The following ACTR3C variants were observed in gnomAD, a reference collection of about 807,000 sequenced individuals.
ACTR3C encodes actin related protein 3C, also known as actin-related protein 3C.
A neutral mutation model predicts 26.3 loss-of-function variants in ACTR3C; 18 were observed. That is an observed-to-expected ratio of 0.68 (90% CI 0.47 to 1.01). ACTR3C has a LOEUF of 1.01. ACTR3C is among the 50% of genes least tolerant of loss of function. ACTR3C has a pLI of 0.00. For synonymous variants in ACTR3C, 55 were observed against 94.5 expected (o/e 0.58, Z 2.42); for missense variants, 184 against 250.7 (o/e 0.73, Z 1.80).
intron 1 of ACTR3C, among the ~76,000 whole-genome samples, chr7:150,299,155 G>A (rs1202233452): frequency 6.6e-6 from 1 of 151,484 alleles, no homozygotes. Flanking sequence ...GTTAAGTTTT[G>A]TATTTTTAGT....
the ACTR3C span, among the ~76,000 whole-genome samples, chr7:150,171,804 A>G: frequency 4.1e-5 from 6 of 145,798 alleles, no homozygotes; most frequent in Non-Finnish European, 8.8e-5. Context: ...TGGCATCACT[A>G]TAGATTCTAT....
chr7:149,960,961 AG>A, the ACTR3C span, among the ~76,000 whole-genome samples: 1 of 152,044 alleles, frequency 6.6e-6, no homozygotes, highest in Non-Finnish European at 1.5e-5. Flanking sequence ...GTGGGCTCAC[AG>A]GAAGTGTATA....
At chr7:149,979,840 A>C in the ACTR3C span, among the ~76,000 whole-genome samples, 1 of 150,094 alleles carries the variant, frequency 6.7e-6, no homozygotes, top group African/African-American at 2.5e-5. Context: ...TCCCATAGAA[A>C]GTAAAGACTG....
At chr7:150,185,093 G>T in the ACTR3C span, among the ~76,000 whole-genome samples, 933 of 151,786 alleles carry the variant, frequency 6.1e-3, 5 homozygotes, top group African/African-American at 0.022. Flanking sequence ...CCTTTGGTGT[G>T]ATTAGGATAT....
At chr7:150,236,594 C>T in the ACTR3C span, among the ~76,000 whole-genome samples, 2 of 152,154 alleles carry the variant, frequency 1.3e-5, no homozygotes. Context: ...TGCTTTGGCA[C>T]TTTCTGCCAT....
chr7:150,181,006 C>T, the ACTR3C span, among the ~76,000 whole-genome samples: 3 of 151,356 alleles, frequency 2.0e-5, no homozygotes, highest in Non-Finnish European at 4.4e-5. Flanking sequence ...TCATTAAAAC[C>T]ACCAACAGAA....
chr7:150,191,917 G>A, the ACTR3C span, among the ~76,000 whole-genome samples: 1 of 152,152 alleles, frequency 6.6e-6, no homozygotes, highest in Admixed American at 6.5e-5. Flanking sequence ...CTACCATACT[G>A]AGAATTGTCT....
the ACTR3C span, among the ~76,000 whole-genome samples, chr7:150,039,207 C>A: frequency 6.9e-6 from 1 of 145,954 alleles, no homozygotes. Flanking sequence ...CCTCCCACCT[C>A]TGCGATGGGG....
At chr7:149,957,737 A>C in the ACTR3C span, among the ~76,000 whole-genome samples, 1 of 150,560 alleles carries the variant, frequency 6.6e-6, no homozygotes, top group East Asian at 1.9e-4. Flanking sequence ...TAAGCGTATG[A>C]GACAACTCCT....
At chr7:150,130,733 G>A in the ACTR3C span, among the ~76,000 whole-genome samples, 1 of 152,156 alleles carries the variant, frequency 6.6e-6, no homozygotes, top group South Asian at 2.1e-4. Context: ...CAACCCAAAT[G>A]TCCATCAACT....
At chr7:150,196,093 T>C in the ACTR3C span, among the ~76,000 whole-genome samples, 1 of 152,254 alleles carries the variant, frequency 6.6e-6, no homozygotes, top group African/African-American at 2.4e-5. Context: ...TTGGCATTTA[T>C]TTATAGAGTA....
the ACTR3C span, among the ~76,000 whole-genome samples, chr7:150,015,182 C>G: frequency 6.6e-6 from 1 of 152,140 alleles, no homozygotes. Flanking sequence ...GGGACTGGCT[C>G]CAACCCTTGA....
intron 6 of ACTR3C, among the ~76,000 whole-genome samples, chr7:150,267,560 C>T (rs1461369063): frequency 3.9e-5 from 6 of 152,212 alleles, no homozygotes; most frequent in African/African-American, 1.2e-4. Flanking sequence ...AATAGCCCCA[C>T]AGCACGAGAG....
intron 1 of ACTR3C, among the ~76,000 whole-genome samples, chr7:150,308,520 C>T (rs1273895524): frequency 2.0e-5 from 3 of 152,108 alleles, no homozygotes; most frequent in Admixed American, 2.0e-4. Context: ...CCCTCCCTAG[C>T]CTCTGCTCCC....
chr7:150,291,446 G>T (rs942494610), intron 3 of ACTR3C, among the ~76,000 whole-genome samples: 1 of 152,078 alleles, frequency 6.6e-6, no homozygotes, highest in African/African-American at 2.4e-5. Context: ...AAAAGAAAAA[G>T]AGCTTAAAGA....
At chr7:150,321,524 G>T (rs1194167768) in intron 1 of ACTR3C, among the ~76,000 whole-genome samples, 1 of 152,214 alleles carries the variant, frequency 6.6e-6, no homozygotes, top group Non-Finnish European at 1.5e-5. Flanking sequence ...CAGATCACTT[G>T]AAGTCAGGAG....
the ACTR3C span, among the ~76,000 whole-genome samples, chr7:149,923,424 C>T: frequency 1.3e-5 from 2 of 152,012 alleles, no homozygotes; most frequent in Admixed American, 1.3e-4. Flanking sequence ...ATATATATAT[C>T]TATATCAGAT....
the ACTR3C span, among the ~76,000 whole-genome samples, chr7:150,140,925 T>A: frequency 6.6e-6 from 1 of 152,324 alleles, no homozygotes; most frequent in South Asian, 2.1e-4. Context: ...AGTGAACACA[T>A]GAATGATAAG....
the ACTR3C span, among the ~76,000 whole-genome samples, chr7:150,110,300 C>G: frequency 6.6e-6 from 1 of 151,764 alleles, no homozygotes; most frequent in African/African-American, 2.4e-5. Context: ...TTAAATTGTT[C>G]TCTCTGCTCT....
Sources: gnomAD v4.1 joint callset for allele counts (sites outside exome capture counted in the v4.1 genomes callset) on GRCh38, gnomAD v4.1.1 for gene constraint, MANE v1.5 for transcripts, NCBI Gene and HGNC (gene_info 2026-07-23, HGNC 2026-07-21) for gene names.